Variants in SAMD12 observed in about 807,000 individuals in gnomAD.
SAMD12 encodes the protein sterile alpha motif domain containing 12.
In SAMD12, 9 loss-of-function variants were observed where a neutral mutation model predicts 15.0. The ratio of observed to expected loss-of-function variants is 0.60; its 90% CI spans 0.36 to 1.05. SAMD12 has a LOEUF of 1.05. Among genes scored for constraint, SAMD12 ranks in the 50% least tolerant of loss-of-function variants. SAMD12 has a pLI of 0.01. For synonymous variants in SAMD12, 86 were observed against 90.1 expected, an observed-to-expected ratio of 0.96 and a Z score of 0.25; for missense variants, 230 against 234.2, an observed-to-expected ratio of 0.98 and a Z score of 0.12.
At chr8:118,594,142 A>C (rs1827657079) in intron 1 of SAMD12, among the ~76,000 whole-genome samples, 1 of 152,090 alleles carries the variant, frequency 6.6e-6, no homozygotes. Flanking sequence ...GCTCTGGTAA[A>C]GCTCACAGTT....
intron 4 of SAMD12, among the ~76,000 whole-genome samples, chr8:118,321,691 A>G (rs1157592206): frequency 6.6e-6 from 1 of 152,120 alleles, no homozygotes; most frequent in Admixed American, 6.6e-5. Context: ...ATGACAGCAT[A>G]ATGCAGTGTG....
At chr8:118,328,721 A>G (rs1563766955) in intron 4 of SAMD12, among the ~76,000 whole-genome samples, 1 of 152,268 alleles carries the variant, frequency 6.6e-6, no homozygotes, top group East Asian at 1.9e-4. Context: ...AACAGTGAGA[A>G]GTCATGGAAC....
rs1183913784 is a variant in SAMD12 at position 118,350,514 on chromosome 8, C to T, written c.433+29046G>A. Among the ~76,000 whole-genome samples the T allele has an allele frequency of 2.0e-5, 3 of 152,122 alleles. 1 individual carries two copies. Among genetic ancestry groups the T allele is most frequent in the Admixed American group, 2.0e-4 (3 of 15,272 alleles). On this transcript the variant is annotated intron_variant, in intron 4 of 4. Transcript: ENST00000409003. ...TGGAAATTACAGAAGAACCTACTTC[C>T]TGGTGTGTATTTTGAGAATAATGAG...
exon 5 of SAMD12, chr8:118,192,318 G>A (rs1012801492): frequency 6.6e-6 from 1 of 152,138 alleles, no homozygotes; most frequent in African/African-American, 2.4e-5. Flanking sequence ...ATGTGTCTGT[G>A]CTAATGTGGC....
chr8:118,311,149 A>G (rs185033893), intron 4 of SAMD12, among the ~76,000 whole-genome samples: 25 of 152,346 alleles, frequency 1.6e-4, no homozygotes, highest in Admixed American at 1.0e-3. Context: ...AGAGCCTAGT[A>G]GCTGTTATCA....
At chr8:118,398,681 T>C (rs548172355) in intron 3 of SAMD12, among the ~76,000 whole-genome samples, 1 of 152,040 alleles carries the variant, frequency 6.6e-6, no homozygotes, top group South Asian at 2.1e-4. Context: ...AGTAGATCAG[T>C]GGAATTGGGG....
At chr8:118,288,538 C>T (rs968373732) in intron 4 of SAMD12, among the ~76,000 whole-genome samples, 5 of 152,184 alleles carry the variant, frequency 3.3e-5, no homozygotes, top group Non-Finnish European at 7.3e-5. Context: ...CCCTCATAAA[C>T]TACAATTAGT....
intron 2 of SAMD12, among the ~76,000 whole-genome samples, chr8:118,483,567 T>C (rs2130995448): frequency 6.6e-6 from 1 of 152,288 alleles, no homozygotes; most frequent in African/African-American, 2.4e-5. Context: ...AACTTTGATT[T>C]TGTCAATAAG....
chr8:118,465,192 A>C (rs900773639), intron 2 of SAMD12, among the ~76,000 whole-genome samples: 7 of 152,174 alleles, frequency 4.6e-5, no homozygotes, highest in African/African-American at 1.7e-4. Context: ...GAGGGAAGGG[A>C]GGAGCTGACC....
intron 1 of SAMD12, among the ~76,000 whole-genome samples, chr8:118,595,312 C>T (rs1211394044): frequency 6.6e-6 from 1 of 151,972 alleles, no homozygotes; most frequent in African/African-American, 2.4e-5. Flanking sequence ...AATATTTTAC[C>T]AGTATTCTCA....
At chr8:118,366,743 C>T (rs573218062) in intron 4 of SAMD12, among the ~76,000 whole-genome samples, 17 of 150,930 alleles carry the variant, frequency 1.1e-4, no homozygotes, top group East Asian at 5.9e-4. Flanking sequence ...AACTGGGAGG[C>T]GAAGGTTGCA....
chr8:118,515,414 G>T (rs970840831), intron 2 of SAMD12, among the ~76,000 whole-genome samples: 5 of 151,992 alleles, frequency 3.3e-5, no homozygotes, highest in Non-Finnish European at 5.9e-5. Context: ...AGCTTCCTCA[G>T]CCGTGCTTCC....
intron 2 of SAMD12, among the ~76,000 whole-genome samples, chr8:118,510,595 C>T (rs6988490): frequency 0.037 from 5,650 of 152,228 alleles, 363 homozygotes; most frequent in African/African-American, 0.12. Flanking sequence ...AGGCAACACC[C>T]TCCCCCAGGG....
chr8:118,270,982 G>C (rs928659081), intron 4 of SAMD12, among the ~76,000 whole-genome samples: 2 of 152,172 alleles, frequency 1.3e-5, no homozygotes, highest in Admixed American at 6.6e-5. Context: ...GGAGCTCCAA[G>C]TTTAAACCAA....
chr8:118,365,802 C>T (rs1161610918), intron 4 of SAMD12, among the ~76,000 whole-genome samples: 3 of 152,110 alleles, frequency 2.0e-5, no homozygotes, highest in Admixed American at 2.0e-4. Context: ...CATTTTCTTT[C>T]TATAGTCGCC....
intron 2 of SAMD12, among the ~76,000 whole-genome samples, chr8:118,465,259 C>T (rs1823559938): frequency 6.6e-6 from 1 of 152,126 alleles, no homozygotes; most frequent in Non-Finnish European, 1.5e-5. Flanking sequence ...CTGGGAAGTA[C>T]CTTCAGATGG....
intron 3 of SAMD12, among the ~76,000 whole-genome samples, chr8:118,408,243 T>A (rs1009135332): frequency 2.1e-5 from 3 of 145,636 alleles, no homozygotes; most frequent in East Asian, 2.1e-4. Context: ...GACTACACCA[T>A]CTGCTTTCTC....
At chr8:118,548,414 CACACACACA>C (rs1563576370) in intron 2 of SAMD12, among the ~76,000 whole-genome samples, 30 of 148,446 alleles carry the variant, frequency 2.0e-4, no homozygotes, top group South Asian at 1.7e-3. Flanking sequence ...CACACACACA[CACACACACA>C]CCCCATGTGA....
At chr8:118,333,979 G>C (rs1816934385) in intron 4 of SAMD12, among the ~76,000 whole-genome samples, 1 of 150,938 alleles carries the variant, frequency 6.6e-6, no homozygotes, top group South Asian at 2.1e-4. Flanking sequence ...GTGTGTCTGT[G>C]TGTGTGTGTG....
Sources: allele counts gnomAD v4.1 joint callset (sites outside exome capture counted in the v4.1 genomes callset), GRCh38; gene constraint gnomAD v4.1.1; transcripts MANE v1.5; gene names NCBI Gene and HGNC (gene_info 2026-07-23, HGNC 2026-07-21).